CADPS2: variants seen among roughly 807,000 people sequenced by gnomAD.
CADPS2 encodes calcium dependent secretion activator 2, also known as calcium-dependent secretion activator 2.
In CADPS2, 93 loss-of-function variants were observed where a neutral mutation model predicts 172.5. The ratio of observed to expected loss-of-function variants is 0.54; its 90% CI spans 0.46 to 0.64. CADPS2 has a LOEUF of 0.64. Ranked by LOEUF, CADPS2 falls within the 30% of genes least tolerant of loss-of-function variation. The pLI, the probability that CADPS2 is intolerant of heterozygous loss-of-function variation, is 0.00. For missense variants in CADPS2, 1,420 were observed against 1,565.9 expected, an observed-to-expected ratio of 0.91 and a Z score of 1.57; for synonymous variants, 546 against 555.2, an observed-to-expected ratio of 0.98 and a Z score of 0.23.
At chr7:122,567,548 C>T (rs2066627440) in intron 7 of CADPS2, among the ~76,000 whole-genome samples, 1 of 152,066 alleles carries the variant, frequency 6.6e-6, no homozygotes, top group Non-Finnish European at 1.5e-5. Context: ...TCTTCTAAAC[C>T]TTTTCTGAAC....
At chr7:122,558,718 T>C (rs771772959) in intron 7 of CADPS2, among the ~76,000 whole-genome samples, 17 of 151,902 alleles carry the variant, frequency 1.1e-4, no homozygotes, top group Non-Finnish European at 2.4e-4. Context: ...ATGTTTAGAG[T>C]GATATGGGGT....
At chr7:122,501,431 ATAT>A (rs1479345569) in intron 9 of CADPS2, among the ~76,000 whole-genome samples, 1 of 152,180 alleles carries the variant, frequency 6.6e-6, no homozygotes, top group Non-Finnish European at 1.5e-5. Context: ...AGAAAATGAA[ATAT>A]TATACTCTAA....
intron 1 of CADPS2, among the ~76,000 whole-genome samples, chr7:122,757,297 C>T (rs767067189): frequency 3.9e-5 from 6 of 151,966 alleles, no homozygotes; most frequent in South Asian, 2.1e-4. Context: ...GGGAGGTGCA[C>T]GCCACCATGA....
At chr7:122,653,551 G>T (rs960598701) in intron 3 of CADPS2, among the ~76,000 whole-genome samples, 1 of 152,096 alleles carries the variant, frequency 6.6e-6, no homozygotes, top group South Asian at 2.1e-4. Flanking sequence ...AAAATATACA[G>T]GCGTACATCA....
intron 5 of CADPS2, among the ~76,000 whole-genome samples, chr7:122,619,477 T>C (rs963266178): frequency 6.7e-6 from 1 of 148,958 alleles, no homozygotes; most frequent in Non-Finnish European, 1.5e-5. Context: ...AAAAAAAAAA[T>C]TTAGCCAGGC....
rs1375839514 is a variant in CADPS2 at position 122,319,511 on chromosome 7, A to C, written c.*654T>G. ...CACCTGGGGATTACTTATAGTTGAA[A>C]GAAGAAATGTTGAGAATGGAACAAA... On this transcript the variant is annotated 3_prime_UTR_variant, in exon 30 of 30. Transcript: ENST00000449022. 2.0e-5 allele frequency: 3 copies of C among 152,216 alleles called. No homozygotes were observed. The highest frequency in any genetic ancestry group is 7.2e-5 in the African/African-American group (3 of 41,452). 9.4% of individuals were successfully genotyped at this position (152,216 alleles called of 1,614,324 possible).
intron 22 of CADPS2, among the ~76,000 whole-genome samples, chr7:122,389,915 T>C (rs2044158796): frequency 6.6e-6 from 1 of 152,016 alleles, no homozygotes; most frequent in South Asian, 2.1e-4. Context: ...AAATAAATTG[T>C]TTAAAGCACC....
intron 7 of CADPS2, among the ~76,000 whole-genome samples, chr7:122,558,080 A>T (rs2065255230): frequency 1.3e-5 from 2 of 152,196 alleles, no homozygotes; most frequent in Non-Finnish European, 2.9e-5. Context: ...TACAAACCTG[A>T]TATTATTTTG....
At chr7:122,609,703 G>C (rs1295661003) in intron 6 of CADPS2, among the ~76,000 whole-genome samples, 1 of 152,126 alleles carries the variant, frequency 6.6e-6, no homozygotes, top group Middle Eastern at 3.2e-3. Context: ...ATTGCTGGCA[G>C]GAAATCAGAA....
chr7:122,808,911 ATATG>A (rs1187165650), intron 1 of CADPS2, among the ~76,000 whole-genome samples: 1 of 152,180 alleles, frequency 6.6e-6, no homozygotes. Flanking sequence ...TATGCATGAT[ATATG>A]TATGTATATA....
chr7:122,421,682 T>C (rs1005250473), intron 17 of CADPS2, among the ~76,000 whole-genome samples: 2 of 152,196 alleles, frequency 1.3e-5, no homozygotes, highest in South Asian at 2.1e-4. Context: ...GATTATAAGG[T>C]AGAATATGGC....
In CADPS2 at chr7:122,490,065, T is replaced by G. The variant is rs759320834; in HGVS notation, c.1852+16A>C. 6.2e-7 allele frequency: 1 copy of G among 1,610,352 alleles called. No homozygotes were observed. Among genetic ancestry groups the G allele is most frequent in the African/African-American group, 1.3e-5 (1 of 74,804 alleles). On this transcript the variant is annotated intron_variant, in intron 11 of 29. Coordinates refer to ENST00000449022, the MANE Select transcript of CADPS2 (RefSeq NM_017954.11). ...GCTATTAATTGATAATCAAATTATT[T>G]TTTAACAAAACTTACAAAGCTGAGC...
intron 28 of CADPS2, among the ~76,000 whole-genome samples, chr7:122,329,434 G>A (rs1016088705): frequency 6.6e-6 from 1 of 152,164 alleles, no homozygotes; most frequent in African/African-American, 2.4e-5. Flanking sequence ...AATAGAACAA[G>A]CATGAGCTCT....
intron 8 of CADPS2, among the ~76,000 whole-genome samples, chr7:122,544,628 T>A (rs1023382444): frequency 3.3e-5 from 5 of 152,146 alleles, no homozygotes; most frequent in African/African-American, 1.2e-4. Flanking sequence ...TTAGTTCTGC[T>A]TTACCAGTGG....
intron 1 of CADPS2, among the ~76,000 whole-genome samples, chr7:122,859,252 A>C (rs1816242967): frequency 6.6e-6 from 1 of 152,240 alleles, no homozygotes; most frequent in African/African-American, 2.4e-5. Flanking sequence ...AAAGTTTTAT[A>C]GATGATTGAC....
chr7:122,722,625 A>C (rs1266641600), intron 2 of CADPS2, among the ~76,000 whole-genome samples: 1 of 118,414 alleles, frequency 8.4e-6, no homozygotes, highest in Non-Finnish European at 1.7e-5. Flanking sequence ...GCCCAAGGTA[A>C]TTTATAGATT....
At chr7:122,726,198 C>CT (rs1437429888) in intron 2 of CADPS2, among the ~76,000 whole-genome samples, 1 of 151,766 alleles carries the variant, frequency 6.6e-6, no homozygotes, top group Non-Finnish European at 1.5e-5. Flanking sequence ...TTCTTGACAA[C>CT]TGTAAGGGGG....
chr7:122,369,146 T>A (rs1431928313), intron 25 of CADPS2, among the ~76,000 whole-genome samples: 2 of 85,160 alleles, frequency 2.3e-5, no homozygotes, highest in African/African-American at 1.0e-4. Flanking sequence ...CCCCCCCTTT[T>A]TTTTTTTTTG....
At chr7:122,367,568 A>G (rs2041113205) in intron 25 of CADPS2, among the ~76,000 whole-genome samples, 1 of 90,314 alleles carries the variant, frequency 1.1e-5, no homozygotes, top group Admixed American at 1.2e-4. Context: ...TTTTTTTAAG[A>G]CAGTCTTACT....
Sources: allele counts gnomAD v4.1 joint callset (sites outside exome capture counted in the v4.1 genomes callset), GRCh38; gene constraint gnomAD v4.1.1; transcripts MANE v1.5; gene names NCBI Gene and HGNC (gene_info 2026-07-23, HGNC 2026-07-21).